The following ALPK2 variants were observed in gnomAD, a reference collection of about 807,000 sequenced individuals.
ALPK2 encodes the protein alpha-protein kinase 2.
ALPK2 carries 127 observed loss-of-function variants against 163.1 expected under a neutral mutation model. The observed-to-expected ratio is 0.78, with a 90% CI of 0.67 to 0.90. The LOEUF (loss-of-function observed/expected upper bound fraction) is 0.90. Among genes scored for constraint, ALPK2 ranks in the 40% least tolerant of loss-of-function variants. The pLI is 0.00. For synonymous variants in ALPK2, 953 were observed against 959.1 expected (o/e 0.99, Z 0.12); for missense variants, 2,360 against 2,589.6 (o/e 0.91, Z 1.92).
At chr18:58,605,295 T>C (rs2052092249) in intron 3 of ALPK2, among the ~76,000 whole-genome samples, 2 of 152,222 alleles carry the variant, frequency 1.3e-5, no homozygotes, top group African/African-American at 2.4e-5. Context: ...TGTGGCCTAT[T>C]TTTGCATCTG....
At chr18:58,586,081 A>G (rs1250904814) in intron 3 of ALPK2, among the ~76,000 whole-genome samples, 1 of 152,230 alleles carries the variant, frequency 6.6e-6, no homozygotes, top group Non-Finnish European at 1.5e-5. Context: ...TCTTCCAAAT[A>G]TTAATACATT....
Position 58,579,654 on chromosome 18 carries a change from A to G in ALPK2, c.1122T>C (p.Cys374=). Residue 374 remains cysteine (C), a synonymous_variant, in exon 4 of 13, where the codon TGT becomes TGC. Transcript: ENST00000361673. ...AACCCATTCCACTGAGGAAATGCTC[A>G]CACCCACCCAGGCAATGCTCACCGA... ...MEFGEHCLGG[C]EHFLSGMGCG... is the part of the protein sequence containing the mutation. 6.2e-7 allele frequency: 1 copy of G among 1,614,014 alleles called. No individual in the cohort carries two copies.
At chr18:58,549,300 T>C (rs1380301654) in intron 4 of ALPK2, among the ~76,000 whole-genome samples, 1 of 152,186 alleles carries the variant, frequency 6.6e-6, no homozygotes, top group African/African-American at 2.4e-5. Context: ...CAGGGTTGCA[T>C]TTAAAGATGA....
chr18:58,489,444 G>A (rs917139876), intron 12 of ALPK2, among the ~76,000 whole-genome samples: 2 of 152,144 alleles, frequency 1.3e-5, no homozygotes, highest in Non-Finnish European at 2.9e-5. Context: ...CCAGCACTTT[G>A]AGAGTCCAGG....
chr18:58,494,606 A>G (rs1018084441), intron 12 of ALPK2, among the ~76,000 whole-genome samples: 3 of 151,998 alleles, frequency 2.0e-5, no homozygotes, highest in Non-Finnish European at 2.9e-5. Flanking sequence ...ACTGCTTCTT[A>G]TGGTGGTGCT....
chr18:58,541,348 C>T (rs1004534906), intron 4 of ALPK2, among the ~76,000 whole-genome samples: 7 of 152,346 alleles, frequency 4.6e-5, no homozygotes, highest in Admixed American at 1.3e-4. Context: ...CTCATTGTCA[C>T]GAGACCAGTA....
intron 11 of ALPK2, among the ~76,000 whole-genome samples, chr18:58,499,218 T>G (rs1266595536): frequency 6.6e-6 from 1 of 152,220 alleles, no homozygotes; most frequent in African/African-American, 2.4e-5. Flanking sequence ...CTTCCCACTC[T>G]GGTTCAGCAA....
At position 58,535,714 on chromosome 18, in the gene ALPK2, A is replaced by G. The variant is rs766453228; in HGVS notation, c.4473T>C (p.Ile1491=). The G allele has an allele frequency of 6.8e-6, 11 of 1,614,114 alleles. No homozygotes were observed. In the Admixed American group the frequency reaches 1.3e-4, roughly 20 times the overall value. ...QIQPEEAKTA[I]WQVLQPSEGG... ...CTTCGCTGGGTTGCAGGACTTGCCA[A>G]ATGGCAGTTTTTGCCTCCTCAGGTT... Residue 1491 remains isoleucine (I), a synonymous_variant, in exon 5 of 13, where the codon ATT becomes ATC. Transcript: ENST00000361673.
intron 4 of ALPK2, 43 bp downstream of exon 4, chr18:58,578,771 C>CACACACACACACACACACACT: frequency 7.0e-6 from 11 of 1,562,104 alleles, no homozygotes; most frequent in Non-Finnish European, 9.6e-6. Context: ...CACACACACA[C>CACACACACACACACACACACT]GGTTCTTTTT....
intron 4 of ALPK2, among the ~76,000 whole-genome samples, chr18:58,569,204 G>A (rs993955713): frequency 2.0e-5 from 3 of 152,148 alleles, no homozygotes; most frequent in African/African-American, 7.2e-5. Flanking sequence ...CCAGTCTTGG[G>A]GGGGAGAAAA....
intron 1 of ALPK2, among the ~76,000 whole-genome samples, chr18:58,616,681 G>A (rs2144237584): frequency 6.6e-6 from 1 of 152,314 alleles, no homozygotes; most frequent in South Asian, 2.1e-4. Context: ...AGAAGCTCCT[G>A]CAAATCGCCT....
chr18:58,496,297 C>T (rs1170309396), intron 12 of ALPK2, among the ~76,000 whole-genome samples: 2 of 152,172 alleles, frequency 1.3e-5, no homozygotes, highest in East Asian at 3.8e-4. Context: ...ATAATCCCTC[C>T]TAATGCGCTG....
At chr18:58,519,347 TAACA>T (rs1362130731) in intron 8 of ALPK2, among the ~76,000 whole-genome samples, 1 of 152,186 alleles carries the variant, frequency 6.6e-6, no homozygotes. Flanking sequence ...CTAATACCAC[TAACA>T]GAGTATAGGA....
intron 4 of ALPK2, among the ~76,000 whole-genome samples, chr18:58,550,342 TG>T: frequency 6.7e-6 from 1 of 149,784 alleles, no homozygotes; most frequent in Non-Finnish European, 1.5e-5. Context: ...GCCTTCATCA[TG>T]AACAACCCCA....
intron 6 of ALPK2, chr18:58,528,604 G>A (rs2051595757): frequency 6.3e-6 from 1 of 159,298 alleles, no homozygotes; most frequent in South Asian, 1.8e-4. Flanking sequence ...GATGGCTGCT[G>A]GTCACCCTCA....
chr18:58,604,020 A>T (rs1421458586), intron 3 of ALPK2, among the ~76,000 whole-genome samples: 1 of 152,200 alleles, frequency 6.6e-6, no homozygotes, highest in African/African-American at 2.4e-5. Flanking sequence ...AGATGAGGAC[A>T]GCATGAGGAG....
rs1411812417 is a variant in ALPK2, at chr18:58,579,257, C to T, written c.1519G>A (p.Gly507Arg). Residue 507 changes from glycine (G) to arginine (R), a missense_variant, in exon 4 of 13, where the codon GGG becomes AGG. Gly to Arg is a moderately radical substitution (Grantham distance 125). Coordinates refer to ENST00000361673, the MANE Select transcript of ALPK2 (RefSeq NM_052947.4). ...GCCGTCTCCCAACACTGGCTCATCC[C>T]TGAGTTTTCTGACTCACCAGACAAG... ...KLLSGESENS[G>R]MSQCWETAAD... 3 of 1,614,050 alleles carry T rather than the reference C, an allele frequency of 1.9e-6. No individual in the cohort carries two copies. Among genetic ancestry groups the T allele is most frequent in the African/African-American group, 2.7e-5 (2 of 74,932 alleles).
intron 4 of ALPK2, chr18:58,538,495 T>C: frequency 2.4e-6 from 1 of 415,670 alleles, no homozygotes; most frequent in Non-Finnish European, 4.3e-6. Flanking sequence ...TTTAATGATT[T>C]CTTTCTCTCT....
intron 4 of ALPK2, among the ~76,000 whole-genome samples, chr18:58,570,129 CA>C (rs11329554): frequency 0.5 from 62,947 of 125,102 alleles, 14,216 homozygotes; most frequent in African/African-American, 0.59. Flanking sequence ...GACTCCGTCT[CA>C]AAAAAAAAAA....
Sources: gnomAD v4.1 joint callset for allele counts (sites outside exome capture counted in the v4.1 genomes callset) on GRCh38, gnomAD v4.1.1 for gene constraint, MANE v1.5 for transcripts, NCBI Gene and HGNC (gene_info 2026-07-23, HGNC 2026-07-21) for gene names.